Variants in PALS1 observed in about 807,000 individuals in gnomAD.
The protein encoded by PALS1 is protein associated with LIN7 1, MAGUK p55 family member.
In PALS1, 31 loss-of-function variants were observed where a neutral mutation model predicts 78.9. The ratio of observed to expected loss-of-function variants is 0.39; its 90% CI spans 0.30 to 0.53. PALS1 has a LOEUF of 0.53. Among genes scored for constraint, PALS1 ranks in the 20% least tolerant of loss-of-function variants. The pLI is 0.67. For synonymous variants in PALS1, 276 were observed against 270.9 expected (o/e 1.02, Z -0.18); for missense variants, 704 against 826.5 (o/e 0.85, Z 1.82).
chr14:67,280,978 A>G (rs1287293589), intron 3 of PALS1, among the ~76,000 whole-genome samples: 2 of 149,540 alleles, frequency 1.3e-5, no homozygotes, highest in Non-Finnish European at 3.0e-5. Context: ...GCTCACAGCA[A>G]TCTCCGCCTT....
chr14:67,297,967 A>T (rs1378073235), intron 4 of PALS1, among the ~76,000 whole-genome samples: 1 of 152,202 alleles, frequency 6.6e-6, no homozygotes, highest in African/African-American at 2.4e-5. Context: ...CAATTCAGGT[A>T]GCTGAGACAG....
At chr14:67,323,031 A>C (rs1416863316) in intron 13 of PALS1, among the ~76,000 whole-genome samples, 1 of 152,134 alleles carries the variant, frequency 6.6e-6, no homozygotes, top group African/African-American at 2.4e-5. Flanking sequence ...TATGATTCTA[A>C]TTGCTCCAAA....
At chr14:67,293,981 CAACTT>C (rs757920288) in intron 4 of PALS1, among the ~76,000 whole-genome samples, 7 of 152,058 alleles carry the variant, frequency 4.6e-5, no homozygotes, top group Non-Finnish European at 1.0e-4. Context: ...AGAAAAGAAA[CAACTT>C]AGCTTAAAGG....
At chr14:67,321,383 C>A in intron 13 of PALS1, 124 bp downstream of exon 13, 1 of 852,096 alleles carries the variant, frequency 1.2e-6, no homozygotes, top group Non-Finnish European at 1.8e-6. Context: ...CGGTTTTTCC[C>A]ACTGATTTGC....
Position 67,332,956 on chromosome 14 carries a change from A to C in PALS1, c.2028A>C (p.Ter676CysextTer37). 1 of 1,602,212 alleles carries C rather than the reference A, an allele frequency of 6.2e-7. No individual in the cohort carries two copies. The highest frequency in any genetic ancestry group is 8.5e-7 in the Non-Finnish European group (1 of 1,170,774). ...GGGTACCATCCACTTGGCTGAGGTG[A>C]AAGAAACATCCATTCTGTGGCATGT... ...PQWVPSTWLR[*>C] The change falls in exon 15 of 15, where the codon TGA becomes TGC. Residue 676 changes from the stop codon to cysteine, a stop_lost. Coordinates refer to ENST00000261681, the MANE Select transcript of PALS1 (RefSeq NM_022474.4).
chr14:67,279,688 A>AT, intron 3 of PALS1, 151 bp downstream of exon 3: 2 of 689,292 alleles, frequency 2.9e-6, no homozygotes, highest in Middle Eastern at 4.3e-4. Flanking sequence ...GAAACGCCGT[A>AT]TAACTATTGT....
chr14:67,265,728 G>GC (rs2084312270), intron 1 of PALS1, among the ~76,000 whole-genome samples: 1 of 151,354 alleles, frequency 6.6e-6, no homozygotes, highest in African/African-American at 2.4e-5. Context: ...GCAGTGACAC[G>GC]CCCCTGTAAT....
intron 13 of PALS1, 89 bp from the exon 14 acceptor site, chr14:67,323,611 ATC>A: frequency 3.6e-6 from 1 of 280,228 alleles, no homozygotes; most frequent in Non-Finnish European, 6.2e-6. Flanking sequence ...AAGTCCCTTA[ATC>A]TAATATATAT....
intron 6 of PALS1, 81 bp from the exon 7 acceptor site, chr14:67,302,329 G>GA (rs1162564016): frequency 2.5e-6 from 3 of 1,180,942 alleles, no homozygotes; most frequent in Non-Finnish European, 3.3e-6. Context: ...TTGTTGAATG[G>GA]AAAAAATAGA....
intron 9 of PALS1, among the ~76,000 whole-genome samples, chr14:67,315,408 C>G (rs546301812): frequency 6.6e-6 from 1 of 151,312 alleles, no homozygotes; most frequent in East Asian, 2.0e-4. Flanking sequence ...TGCTGAGCAG[C>G]TGGGACTACA....
At chr14:67,320,517 G>A in intron 12 of PALS1, 120 bp downstream of exon 12, 1 of 904,606 alleles carries the variant, frequency 1.1e-6, no homozygotes, top group Non-Finnish European at 1.5e-6. Context: ...AGTGAAAGAG[G>A]AACTTTAACC....
chr14:67,282,664 C>T (rs2084622552), intron 3 of PALS1, among the ~76,000 whole-genome samples: 1 of 152,006 alleles, frequency 6.6e-6, no homozygotes, highest in African/African-American at 2.4e-5. Context: ...AACTAGATTT[C>T]AAATGAATAA....
At chr14:67,275,323 G>A (rs1039280195) in intron 2 of PALS1, among the ~76,000 whole-genome samples, 12 of 152,118 alleles carry the variant, frequency 7.9e-5, no homozygotes, top group African/African-American at 2.4e-4. Context: ...AGAGTTTTTA[G>A]CATGAAGGGC....
At chr14:67,322,533 T>A (rs1262497715) in intron 13 of PALS1, among the ~76,000 whole-genome samples, 1 of 152,156 alleles carries the variant, frequency 6.6e-6, no homozygotes, top group African/African-American at 2.4e-5. Flanking sequence ...GAGATGTACA[T>A]AAAGGAGAAT....
At chr14:67,316,417 T>C (rs1386327977) in intron 9 of PALS1, among the ~76,000 whole-genome samples, 1 of 151,924 alleles carries the variant, frequency 6.6e-6, no homozygotes, top group African/African-American at 2.4e-5. Context: ...AATATGGAAT[T>C]GAATATGTGA....
intron 2 of PALS1, among the ~76,000 whole-genome samples, chr14:67,272,984 G>C (rs10483796): frequency 0.019 from 2,953 of 152,056 alleles, 42 homozygotes; most frequent in Middle Eastern, 0.034. Context: ...TGTAACCTTC[G>C]TATTTCTTGA....
rs1367111626 is a variant in PALS1 at position 67,278,996 on chromosome 14, TCC to T, written c.-153-16_-153-15del. 1 of 570,328 alleles carries T rather than the reference TCC, an allele frequency of 1.8e-6. No individual in the cohort carries two copies. Among genetic ancestry groups the T allele is most frequent in the African/African-American group, 1.9e-5 (1 of 52,616 alleles). The allele number at this position is 570,328 out of a possible 1,614,324, so 35.3% of individuals were successfully genotyped here. A position where few individuals can be genotyped will look rare whatever the true frequency, so the allele number is the denominator to read the frequency against. ...TTATATTGTAATTCTTACACTTTTT[TCC>T]CCCCCATCTTTCCCCTTAGATTTCC... On this transcript the variant is annotated intron_variant, in intron 2 of 14. Coordinates refer to ENST00000261681, the MANE Select transcript of PALS1 (RefSeq NM_022474.4).
chr14:67,281,193 G>A lies in PALS1; in HGVS notation c.367+1656G>A, dbSNP rs112001317. Among the ~76,000 whole-genome samples the A allele has an allele frequency of 2.2e-4, 34 of 151,650 alleles. 2 individuals carry two copies. The highest frequency in any genetic ancestry group is 6.5e-4 in the African/African-American group (27 of 41,336). On this transcript the variant is annotated intron_variant, in intron 3 of 14. Coordinates refer to ENST00000261681, the MANE Select transcript of PALS1 (RefSeq NM_022474.4). ...ATTACAGGTGTGAGCCACTGTGCCC[G>A]TCTCAAGTCTGGAGCAGTTTCTACT...
At position 67,253,284 on chromosome 14, in the gene PALS1, A is replaced by G. The variant is rs548034103; in HGVS notation, c.-237+11751A>G. On this transcript the variant is annotated intron_variant, in intron 1 of 14. Transcript: ENST00000261681. ...ATATTAAGCACTCTTTCAATGTTAG[A>G]TAAGAGATAGGAGTTGTGTGACTTG... Among the ~76,000 whole-genome samples, 56 of 152,368 alleles carry G rather than the reference A, an allele frequency of 3.7e-4. No homozygotes were observed. In the Middle Eastern group the frequency reaches 0.02, roughly 56 times the overall value.
Sources: allele counts gnomAD v4.1 joint callset (sites outside exome capture counted in the v4.1 genomes callset), GRCh38; gene constraint gnomAD v4.1.1; transcripts MANE v1.5; gene names NCBI Gene and HGNC (gene_info 2026-07-23, HGNC 2026-07-21).